FAM53B: variants seen among roughly 807,000 people sequenced by gnomAD.
FAM53B encodes protein FAM53B.
A neutral mutation model predicts 32.7 loss-of-function variants in FAM53B; 12 were observed. The observed-to-expected ratio is 0.37, with a 90% CI of 0.24 to 0.59. The LOEUF (loss-of-function observed/expected upper bound fraction) is 0.59. Among genes scored for constraint, FAM53B ranks in the 20% least tolerant of loss-of-function variants. FAM53B has a pLI of 0.72. For missense variants in FAM53B, 477 were observed against 577.7 expected, an observed-to-expected ratio of 0.83 and a Z score of 1.79; for synonymous variants, 234 against 228.7, an observed-to-expected ratio of 1.02 and a Z score of -0.21.
intron 4 of FAM53B, among the ~76,000 whole-genome samples, chr10:124,663,252 T>A (rs1484545558): frequency 2.0e-5 from 3 of 152,254 alleles, no homozygotes; most frequent in Admixed American, 6.5e-5. Flanking sequence ...ATTTGTGTGT[T>A]GACCAAAGTT....
In FAM53B at chr10:124,622,030, C is replaced by G. The variant is rs1448372032; in HGVS notation, c.*1212G>C. The G allele has an allele frequency of 6.6e-6, 1 of 152,408 alleles. No homozygotes were observed. The highest frequency in any genetic ancestry group is 1.5e-5 in the Non-Finnish European group (1 of 68,064). The allele number at this position is 152,408 out of a possible 1,614,324, so 9.4% of individuals were successfully genotyped here. A position where few individuals can be genotyped will look rare whatever the true frequency, so the allele number is the denominator to read the frequency against. On this transcript the variant is annotated 3_prime_UTR_variant, in exon 5 of 5. Transcript: ENST00000337318. ...CAGGGGGCTAGGCTCCTCGGATGCC[C>G]CAGGGTGAGGAGCCAGGGTGGGGTA...
rs144904991 is a variant in FAM53B, at chr10:124,667,295, A to G, written c.906+14312T>C. 1.4e-4 allele frequency: 93 copies of G among 661,798 alleles called. 1 individual carries two copies. Among genetic ancestry groups the G allele is most frequent in the Non-Finnish European group, 1.5e-4 (53 of 359,240 alleles). The allele number at this position is 661,798 out of a possible 1,614,324, so 41.0% of individuals were successfully genotyped here. On this transcript the variant is annotated intron_variant, in intron 4 of 4. Coordinates refer to ENST00000337318, the MANE Select transcript of FAM53B (RefSeq NM_014661.4). Reference sequence around the variant, plus strand: ...AAAGTCATTTCACTTTCTTCTCTTAATAACTGGCTACTAGGAATTTTAAAT... The same window carrying G: ...AAAGTCATTTCACTTTCTTCTCTTAGTAACTGGCTACTAGGAATTTTAAAT...
intron 4 of FAM53B, among the ~76,000 whole-genome samples, chr10:124,642,036 C>T (rs897303): frequency 0.93 from 141,389 of 152,274 alleles, 66,480 homozygotes; most frequent in Non-Finnish European, 1. Context: ...AAATGGCGTG[C>T]GTGCATACAC....
chr10:124,697,990 G>A (rs1045626670), intron 2 of FAM53B, among the ~76,000 whole-genome samples: 1 of 152,204 alleles, frequency 6.6e-6, no homozygotes, highest in Non-Finnish European at 1.5e-5. Flanking sequence ...AATGGCAAGT[G>A]GATGACAAGC....
intron 3 of FAM53B, among the ~76,000 whole-genome samples, chr10:124,694,263 A>G (rs1949853781): frequency 6.6e-6 from 1 of 152,266 alleles, no homozygotes; most frequent in Non-Finnish European, 1.5e-5. Flanking sequence ...CTCTGTAAAC[A>G]GGAGTCTGCA....
intron 2 of FAM53B, among the ~76,000 whole-genome samples, chr10:124,705,374 A>C (rs11245338): frequency 0.34 from 51,299 of 152,168 alleles, 8,909 homozygotes; most frequent in Admixed American, 0.42. Context: ...CATTTGTAAA[A>C]CAAGGAGGCT....
At chr10:124,685,415 T>C (rs1393818366) in intron 3 of FAM53B, among the ~76,000 whole-genome samples, 1 of 152,232 alleles carries the variant, frequency 6.6e-6, no homozygotes, top group Non-Finnish European at 1.5e-5. Flanking sequence ...GGTTGGCTCC[T>C]CTGGGTTTTC....
chr10:124,736,092 T>C (rs1417971296), intron 1 of FAM53B, among the ~76,000 whole-genome samples: 1 of 152,218 alleles, frequency 6.6e-6, no homozygotes, highest in Non-Finnish European at 1.5e-5. Context: ...GTCACACTCA[T>C]CTCCTACCTG....
At chr10:124,665,515 C>A (rs967575994) in intron 4 of FAM53B, among the ~76,000 whole-genome samples, 2 of 152,196 alleles carry the variant, frequency 1.3e-5, no homozygotes, top group African/African-American at 4.8e-5. Context: ...GAACTCAAAA[C>A]GTGCCCCTCG....
intron 1 of FAM53B, among the ~76,000 whole-genome samples, chr10:124,732,208 T>C (rs1001098337): frequency 1.3e-5 from 2 of 152,158 alleles, no homozygotes; most frequent in African/African-American, 2.4e-5. Flanking sequence ...CTCTCGCCTG[T>C]GCCTACACTC....
At chr10:124,634,505 C>T (rs1417828636) in intron 4 of FAM53B, among the ~76,000 whole-genome samples, 6 of 152,198 alleles carry the variant, frequency 3.9e-5, no homozygotes, top group Admixed American at 3.9e-4. Flanking sequence ...ATAGTTAGTT[C>T]TCACGAGAGC....
intron 4 of FAM53B, among the ~76,000 whole-genome samples, chr10:124,650,076 C>T (rs1328337685): frequency 2.0e-5 from 3 of 152,100 alleles, no homozygotes; most frequent in African/African-American, 7.2e-5. Context: ...GACAAGCTGG[C>T]GACAGGTACA....
At chr10:124,639,671 CT>C (rs1352572397) in intron 4 of FAM53B, among the ~76,000 whole-genome samples, 4 of 152,194 alleles carry the variant, frequency 2.6e-5, no homozygotes, top group Admixed American at 2.6e-4. Context: ...TTCTGATAGG[CT>C]TTTCCCCCCC....
intron 4 of FAM53B, among the ~76,000 whole-genome samples, chr10:124,647,153 T>G (rs1395952579): frequency 6.6e-6 from 1 of 152,216 alleles, no homozygotes; most frequent in Non-Finnish European, 1.5e-5. Flanking sequence ...CAGGCTGTGC[T>G]GGGCACTCTG....
At chr10:124,692,271 T>C (rs896092704) in intron 3 of FAM53B, among the ~76,000 whole-genome samples, 2 of 152,192 alleles carry the variant, frequency 1.3e-5, no homozygotes, top group African/African-American at 4.8e-5. Context: ...ACGCTGGCTT[T>C]GTTCTCTCTT....
intron 4 of FAM53B, among the ~76,000 whole-genome samples, chr10:124,680,820 G>A (rs1171339545): frequency 2.0e-5 from 3 of 152,134 alleles, no homozygotes; most frequent in Non-Finnish European, 4.4e-5. Flanking sequence ...CATCACATCC[G>A]CCCATCCTTG....
intron 1 of FAM53B, among the ~76,000 whole-genome samples, chr10:124,735,378 T>C (rs983241327): frequency 6.6e-6 from 1 of 152,182 alleles, no homozygotes; most frequent in African/African-American, 2.4e-5. Flanking sequence ...AAAAAAAGAT[T>C]TCGTTTCCTA....
chr10:124,626,546 A>G (rs748007745), intron 4 of FAM53B, among the ~76,000 whole-genome samples: 2 of 152,142 alleles, frequency 1.3e-5, no homozygotes, highest in Non-Finnish European at 2.9e-5. Context: ...GAAAGTGCCA[A>G]CTATGAAGAG....
chr10:124,714,664 C>A (rs1950027683), intron 1 of FAM53B, among the ~76,000 whole-genome samples: 2 of 146,058 alleles, frequency 1.4e-5, no homozygotes, highest in Middle Eastern at 3.4e-3. Flanking sequence ...GAGGCTGAGG[C>A]AGGAGAATGG....
Sources: allele counts gnomAD v4.1 joint callset (sites outside exome capture counted in the v4.1 genomes callset), GRCh38; gene constraint gnomAD v4.1.1; transcripts MANE v1.5; gene names NCBI Gene and HGNC (gene_info 2026-07-23, HGNC 2026-07-21).